The following ZNF728 variants were observed in gnomAD, a reference collection of about 807,000 sequenced individuals.
The protein encoded by ZNF728 is zinc finger protein 728.
ZNF728 carries 12 observed loss-of-function variants against 12.5 expected under a neutral mutation model. That is an observed-to-expected ratio of 0.96 (90% CI 0.61 to 1.55). The LOEUF (loss-of-function observed/expected upper bound fraction) is 1.55, where lower values mean the gene tolerates loss of function less well. Ranked by LOEUF, ZNF728 falls within the 40% of genes most tolerant of loss-of-function variation. The probability of loss-of-function intolerance (pLI) is 0.00; values close to 1 mark genes in which losing one functional copy is unlikely to be tolerated. For missense variants in ZNF728, 692 were observed against 719.2 expected (o/e 0.96, Z 0.43); for synonymous variants, 205 against 240.7 (o/e 0.85, Z 1.37).
chr19:22,992,759 A>T (rs1969004754), intron 1 of ZNF728, among the ~76,000 whole-genome samples: 1 of 152,222 alleles, frequency 6.6e-6, no homozygotes, highest in South Asian at 2.1e-4. Flanking sequence ...ACAATGGGAC[A>T]GAAGCAGAAT....
Position 22,994,080 on chromosome 19 carries a change from T to G in ZNF728, c.4-5629A>C, listed in dbSNP as rs899825908. 3.9e-5 allele frequency among the ~76,000 whole-genome samples: 6 copies of G among 152,164 alleles called. 1 individual carries two copies. The highest frequency in any genetic ancestry group is 1.4e-4 in the African/African-American group (6 of 41,446). On this transcript the variant is annotated intron_variant, in intron 1 of 3. Transcript: ENST00000594710. ...CTCAATGCACATATTTTACTCTGAT[T>G]GGGCCCCATGGTCACTGAATCAGTT...
At chr19:22,994,092 T>TAAAC (rs1969023064) in intron 1 of ZNF728, among the ~76,000 whole-genome samples, 1 of 152,160 alleles carries the variant, frequency 6.6e-6, no homozygotes, top group Non-Finnish European at 1.5e-5. Flanking sequence ...GGCCCCATGG[T>TAAAC]CACTGAATCA....
At chr19:22,984,617 T>C (rs868102190) in intron 3 of ZNF728, among the ~76,000 whole-genome samples, 135 of 122,052 alleles carry the variant, frequency 1.1e-3, no homozygotes, top group African/African-American at 3.0e-3. Context: ...CACACACACA[T>C]ATACACACAC....
chr19:22,990,922 A>G (rs889398069), intron 1 of ZNF728, among the ~76,000 whole-genome samples: 8 of 152,164 alleles, frequency 5.3e-5, no homozygotes, highest in African/African-American at 1.9e-4. Flanking sequence ...TCCCCACTCT[A>G]TGAAATGTAA....
intron 3 of ZNF728, among the ~76,000 whole-genome samples, chr19:22,980,198 G>GAAAAAAAAAAAAAAAAAA (rs1568274736): frequency 3.2e-5 from 3 of 94,356 alleles, no homozygotes; most frequent in East Asian, 3.0e-4. Context: ...AAAAAAAAAA[G>GAAAAAAAAAAAAAAAAAA]AAACAAAAAA....
chr19:22,976,060 C>T lies in ZNF728; in HGVS notation c.1277G>A (p.Cys426Tyr), dbSNP rs778791969. The T allele has an allele frequency of 6.2e-6, 10 of 1,605,962 alleles. No homozygotes were observed. In the African/African-American group the frequency reaches 1.2e-4, roughly 19 times the overall value. The change falls in exon 4 of 4, where the codon TGT becomes TAT. Residue 426 changes from cysteine to tyrosine, a missense_variant. Transcript: ENST00000594710. ...IIHTGEKPYK[C>Y]EECGKAFTTF... is the part of the protein sequence containing the mutation. The stretch of plus-strand genomic sequence containing the variant: ...AGTAAAGGCTTTGCCACATTCTTCA[C>T]ATTTGTAGGGTTTCTCTCCAGTATG...
rs115437042 is a variant in ZNF728 at position 22,990,166 on chromosome 19, C to T, written c.4-1715G>A. Among the ~76,000 whole-genome samples the T allele has an allele frequency of 6.2e-3, 933 of 151,684 alleles. 11 individuals are homozygous for T. The highest frequency in any genetic ancestry group is 0.02 in the African/African-American group (843 of 41,326). ...ACAAACTCATTAGGGAGGAAAAACACAAGTAGAGAAGTACAGGTTTGCAAG... is the reference window on the plus strand; with the variant it reads ...ACAAACTCATTAGGGAGGAAAAACATAAGTAGAGAAGTACAGGTTTGCAAG... On this transcript the variant is annotated intron_variant, in intron 1 of 3. Coordinates refer to ENST00000594710, the MANE Select transcript of ZNF728 (RefSeq NM_001267716.2).
At chr19:22,977,361 GAA>G (rs1968818302) in intron 3 of ZNF728, among the ~76,000 whole-genome samples, 1 of 152,126 alleles carries the variant, frequency 6.6e-6, no homozygotes, top group Non-Finnish European at 1.5e-5. Context: ...TAGAAAAAAA[GAA>G]AAGTTTGTTA....
In ZNF728 at chr19:22,975,356, G is replaced by T; in HGVS notation, c.*112C>A. On this transcript the variant is annotated 3_prime_UTR_variant, in exon 4 of 4. Coordinates refer to ENST00000594710, the MANE Select transcript of ZNF728 (RefSeq NM_001267716.2). ...TTACCTTATGTTTAGTAAGGATTGA[G>T]GAACAGTTAAAAAATTTGCCACATT... 2 of 962,460 alleles carry T rather than the reference G, an allele frequency of 2.1e-6. No individual in the cohort carries two copies. Among genetic ancestry groups the T allele is most frequent in the Non-Finnish European group, 3.1e-6 (2 of 641,196 alleles). The allele number at this position is 962,460 out of a possible 1,614,324, so 59.6% of individuals were successfully genotyped here.
chr19:22,981,202 G>C (rs1273996758), intron 3 of ZNF728, among the ~76,000 whole-genome samples: 2 of 152,060 alleles, frequency 1.3e-5, no homozygotes, highest in Non-Finnish European at 2.9e-5. Context: ...GGGGACATCA[G>C]CACTGATTCC....
intron 1 of ZNF728, among the ~76,000 whole-genome samples, chr19:22,996,668 C>A (rs558355989): frequency 1.1e-4 from 16 of 152,166 alleles, no homozygotes; most frequent in Non-Finnish European, 1.9e-4. Context: ...TCTCAGGTCC[C>A]AGATAAAGAC....
chr19:22,985,160 A>G (rs1321355629), intron 3 of ZNF728, among the ~76,000 whole-genome samples: 3 of 152,188 alleles, frequency 2.0e-5, no homozygotes, highest in Non-Finnish European at 4.4e-5. Flanking sequence ...ATAAAGATAA[A>G]TCTTGATAAC....
At chr19:22,979,428 T>G (rs189329938) in intron 3 of ZNF728, among the ~76,000 whole-genome samples, 1 of 152,118 alleles carries the variant, frequency 6.6e-6, no homozygotes, top group African/African-American at 2.4e-5. Context: ...GGAACCAAGT[T>G]GGAAAACACT....
chr19:22,993,100 T>C (rs941906041), intron 1 of ZNF728, among the ~76,000 whole-genome samples: 1 of 152,224 alleles, frequency 6.6e-6, no homozygotes, highest in Admixed American at 6.5e-5. Flanking sequence ...CTTAAGATGC[T>C]TGTTTACACT....
In ZNF728 at chr19:22,976,729, C is replaced by T. The variant is rs1346882465; in HGVS notation, c.608G>A (p.Ser203Asn). The T allele has an allele frequency of 1.9e-6, 3 of 1,613,440 alleles. No homozygotes were observed. The highest frequency in any genetic ancestry group is 1.7e-6 in the Non-Finnish European group (2 of 1,179,934). Residue 203 changes from serine (S) to asparagine (N), a missense_variant, in exon 4 of 4, where the codon AGT (serine) becomes AAT (asparagine). Ser to Asn is a conservative substitution (Grantham distance 46). This residue lies in a region of ZNF728 where 440 missense variants were observed against 459.6 expected (regional missense o/e 0.96). Transcript: ENST00000594710. ...GTTAAAGGCTTTGCCATGTTCTTCA[C>T]TTTTGTAGGAATTCTCTCTAGTATA... ...RIYTRENSYK[S>N]EEHGKAFNWS...
At chr19:22,979,578 T>G (rs936371519) in intron 3 of ZNF728, among the ~76,000 whole-genome samples, 19 of 151,300 alleles carry the variant, frequency 1.3e-4, no homozygotes, top group African/African-American at 4.6e-4. Flanking sequence ...TTCACCAAGG[T>G]TGAAATGAAG....
chr19:22,977,147 T>C (rs1162607794), intron 3 of ZNF728, 37 bp from the exon 4 acceptor site: 4 of 1,477,862 alleles, frequency 2.7e-6, no homozygotes, highest in Non-Finnish European at 3.6e-6. Context: ...AGTCCACTTA[T>C]TAGATAAATA....
At chr19:22,993,633 G>T (rs1338544002) in intron 1 of ZNF728, among the ~76,000 whole-genome samples, 1 of 152,174 alleles carries the variant, frequency 6.6e-6, no homozygotes, top group South Asian at 2.1e-4. Flanking sequence ...TGAGTGAGCT[G>T]ATACAAAATT....
intron 1 of ZNF728, among the ~76,000 whole-genome samples, chr19:22,996,316 G>A (rs1445484918): frequency 6.6e-6 from 1 of 152,092 alleles, no homozygotes; most frequent in Non-Finnish European, 1.5e-5. Flanking sequence ...ATGAATGCAG[G>A]TTGTCTACAA....
Sources: allele counts gnomAD v4.1 joint callset (sites outside exome capture counted in the v4.1 genomes callset), GRCh38; gene constraint gnomAD v4.1.1; regional missense constraint gnomAD v4.1.1; transcripts MANE v1.5; gene names NCBI Gene and HGNC (gene_info 2026-07-23, HGNC 2026-07-21).